The following EXOC3L4 variants were observed in gnomAD, a reference collection of about 807,000 sequenced individuals.
EXOC3L4 encodes exocyst complex component 3-like protein 4.
In EXOC3L4, 62 loss-of-function variants were observed where a neutral mutation model predicts 69.7. The observed-to-expected ratio is 0.89, with a 90% CI of 0.72 to 1.10. The LOEUF is 1.10. Among genes scored for constraint, EXOC3L4 ranks in the 50% least tolerant of loss-of-function variants. The pLI, the probability that EXOC3L4 is intolerant of heterozygous loss-of-function variation, is 0.00. For missense variants in EXOC3L4, 1,087 were observed against 1,034.8 expected (o/e 1.05, Z -0.69); for synonymous variants, 502 against 464.2 (o/e 1.08, Z -1.05).
At chr14:103,107,569 A>G (rs975396550) in intron 9 of EXOC3L4, 26 bp downstream of exon 9, 1 of 1,612,644 alleles carries the variant, frequency 6.2e-7, no homozygotes, top group African/African-American at 1.3e-5. Flanking sequence ...GGGCCCTGGC[A>G]GGGCTGTGCC....
Position 103,108,448 on chromosome 14 carries a change from T to C in EXOC3L4, c.1907T>C (p.Leu636Pro). Reference protein sequence around the residue: ...DQAIQCVAEILGETYKDDIQR... With the variant: ...DQAIQCVAEIPGETYKDDIQR... The stretch of plus-strand genomic sequence containing the variant: ...GCCATCCAGTGCGTGGCTGAGATCC[T>C]GGGCGAGACCTACAAAGATGACATC... Residue 636 changes from leucine (L) to proline (P), a missense_variant, in exon 11 of 12, where the codon CTG becomes CCG. Transcript: ENST00000688303. The C allele has an allele frequency of 1.2e-6, 2 of 1,613,816 alleles. No individual in the cohort carries two copies. The highest frequency in any genetic ancestry group is 1.7e-6 in the Non-Finnish European group (2 of 1,179,850).
Position 103,110,104 on chromosome 14 carries a change from A to C in EXOC3L4, c.2050A>C (p.Thr684Pro). The stretch of plus-strand genomic sequence containing the variant: ...GCGGAACCAGCATCTCTTGCAGCAC[A>C]CTCAAGACCTGCTGAGAGCTGCGGC... ...RQRNQHLLQH[T>P]QDLLRAAAGA... The change falls in exon 12 of 12, where the codon ACT (threonine) becomes CCT (proline). Residue 684 changes from threonine to proline, a missense_variant. By Grantham distance (38) the Thr-to-Pro change is conservative. Transcript: ENST00000688303. 4 of 1,591,006 alleles carry C rather than the reference A, an allele frequency of 2.5e-6. No homozygotes were observed. The highest frequency in any genetic ancestry group is 3.4e-6 in the Non-Finnish European group (4 of 1,169,630).
At position 103,104,046 on chromosome 14, in the gene EXOC3L4, C is replaced by T. The variant is rs1307994197; in HGVS notation, c.1155C>T (p.Phe385=). The change falls in exon 4 of 12, where the codon TTC becomes TTT. Residue 385 remains phenylalanine, a synonymous_variant. Coordinates refer to ENST00000688303, the MANE Select transcript of EXOC3L4 (RefSeq NM_001077594.2). ...GACTGGAGAGCGACTACACCAGCTT[C>T]CTGGAGGTCAGGCCGGGCGGGTCAG... The part of the protein sequence containing the change: ...WARLESDYTS[F]LEAKIASCFD... 6.4e-7 allele frequency: 1 copy of T among 1,569,900 alleles called. No individual in the cohort carries two copies. Among genetic ancestry groups the T allele is most frequent in the Non-Finnish European group, 8.6e-7 (1 of 1,162,014 alleles).
At position 103,110,080 on chromosome 14, in the gene EXOC3L4, C is replaced by A. The variant is rs748628184; in HGVS notation, c.2026C>A (p.Arg676=). The part of the protein sequence containing the change: ...ILALRRLGRQ[R]NQHLLQHTQD... ...GGCGCTGCGCCGACTGGGCCGCCAG[C>A]GGAACCAGCATCTCTTGCAGCACAC... Residue 676 remains arginine (R), a synonymous_variant, in exon 12 of 12, where the codon CGG becomes AGG. Transcript: ENST00000688303. 6.3e-7 allele frequency: 1 copy of A among 1,597,810 alleles called. No homozygotes were observed. The highest frequency in any genetic ancestry group is 8.5e-7 in the Non-Finnish European group (1 of 1,172,912).
chr14:103,109,993 G>C (rs1257105686), intron 11 of EXOC3L4, 38 bp from the exon 12 acceptor site: 6 of 1,543,706 alleles, frequency 3.9e-6, no homozygotes, highest in Non-Finnish European at 5.2e-6. Context: ...GTGTTGCGGA[G>C]GTGTAGGTCT....
chr14:103,096,368 A>G (rs1271327577), intron 1 of EXOC3L4, among the ~76,000 whole-genome samples: 2 of 149,502 alleles, frequency 1.3e-5, no homozygotes, highest in African/African-American at 4.9e-5. Flanking sequence ...TCTAAAAACA[A>G]TAAACAAAGG....
In EXOC3L4 at chr14:103,100,345, C is replaced by T; in HGVS notation, c.126C>T (p.Arg42=). 6.2e-7 allele frequency: 1 copy of T among 1,600,902 alleles called. No individual in the cohort carries two copies. The highest frequency in any genetic ancestry group is 1.1e-5 in the South Asian group (1 of 89,254). Reference sequence around the variant, plus strand: ...GCAGGAAAGAGCCCAATGCCCACCGCAAGGATGGCACAAGGCTGGGCCTGG... The same window carrying T: ...GCAGGAAAGAGCCCAATGCCCACCGTAAGGATGGCACAAGGCTGGGCCTGG... The part of the protein sequence containing the change: ...TSSRKEPNAH[R]KDGTRLGLGS... Residue 42 remains arginine, a synonymous_variant, in exon 2 of 12, where the codon CGC becomes CGT. Transcript: ENST00000688303.
intron 7 of EXOC3L4, among the ~76,000 whole-genome samples, 164 bp downstream of exon 7, chr14:103,105,236 CGT>C (rs1173868959): frequency 5.5e-5 from 8 of 144,852 alleles, no homozygotes; most frequent in Non-Finnish European, 1.1e-4. Flanking sequence ...GGTGTGTGTG[CGT>C]GTGTGTGTAG....
intron 1 of EXOC3L4, among the ~76,000 whole-genome samples, chr14:103,095,910 T>G (rs1193841614): frequency 1.3e-5 from 2 of 152,250 alleles, no homozygotes; most frequent in African/African-American, 4.8e-5. Context: ...TGTTTACATC[T>G]CTTATTTATT....
chr14:103,106,902 G>T lies in EXOC3L4; in HGVS notation c.1581+3G>T. 6.4e-7 allele frequency: 1 copy of T among 1,555,604 alleles called. No homozygotes were observed. The highest frequency in any genetic ancestry group is 8.7e-7 in the Non-Finnish European group (1 of 1,148,088). Reference sequence around the variant, plus strand: ...AGGGCTTGCAGCGTGAGTTGCAGGTGACTGTGATAGGCCCTCTCTCCCTAC... The same window carrying T: ...AGGGCTTGCAGCGTGAGTTGCAGGTTACTGTGATAGGCCCTCTCTCCCTAC... On this transcript the variant is annotated splice_donor_region_variant and intron_variant, in intron 8 of 11. Coordinates refer to ENST00000688303, the MANE Select transcript of EXOC3L4 (RefSeq NM_001077594.2).
chr14:103,104,425 T>G, intron 5 of EXOC3L4, 36 bp downstream of exon 5: 1 of 1,502,610 alleles, frequency 6.7e-7, no homozygotes, highest in South Asian at 1.3e-5. Context: ...AAGGGGCGTC[T>G]GTTCAAGCCT....
chr14:103,109,010 G>A (rs1890746150), intron 11 of EXOC3L4, among the ~76,000 whole-genome samples: 1 of 151,584 alleles, frequency 6.6e-6, no homozygotes, highest in Non-Finnish European at 1.5e-5. Flanking sequence ...CATGGGGTGG[G>A]GAAGGATTCC....
chr14:103,100,737 A>G, intron 2 of EXOC3L4, 124 bp downstream of exon 2: 1 of 1,254,616 alleles, frequency 8.0e-7, no homozygotes, highest in Non-Finnish European at 1.1e-6. Context: ...GAACATGTGC[A>G]ATTCTTTATT....
At chr14:103,096,532 C>T (rs1889895494) in intron 1 of EXOC3L4, among the ~76,000 whole-genome samples, 1 of 151,988 alleles carries the variant, frequency 6.6e-6, no homozygotes, top group Non-Finnish European at 1.5e-5. Context: ...GTCCCTCCCA[C>T]TGTGCTCTCA....
In EXOC3L4 at chr14:103,108,466, A is replaced by G. The variant is rs756097471; in HGVS notation, c.1925A>G (p.Asp642Gly). 8.7e-6 allele frequency: 14 copies of G among 1,613,836 alleles called. No individual in the cohort carries two copies. The highest frequency in any genetic ancestry group is 1.2e-5 in the Non-Finnish European group (14 of 1,179,902). The change falls in exon 11 of 12, where the codon GAT becomes GGT. Residue 642 changes from aspartate to glycine, a missense_variant. Physicochemically the swap from Asp to Gly is moderately conservative, Grantham distance 94. Transcript: ENST00000688303. ...VAEILGETYK[D>G]DIQRHLETLI... Reference sequence around the variant, plus strand: ...GAGATCCTGGGCGAGACCTACAAAGATGACATCCAGCGGCACCTGGAGACT... The same window carrying G: ...GAGATCCTGGGCGAGACCTACAAAGGTGACATCCAGCGGCACCTGGAGACT...
intron 3 of EXOC3L4, among the ~76,000 whole-genome samples, chr14:103,103,119 T>C (rs1174563134): frequency 2.6e-5 from 4 of 152,024 alleles, no homozygotes; most frequent in African/African-American, 9.7e-5. Flanking sequence ...AATCCCAGCA[T>C]TTTGGGAGGC....
chr14:103,098,007 C>G (rs927375439), intron 1 of EXOC3L4, among the ~76,000 whole-genome samples: 11 of 151,936 alleles, frequency 7.2e-5, no homozygotes, highest in African/African-American at 2.7e-4. Context: ...CCTGGCTGGA[C>G]TTTTGCTTTG....
Position 103,102,503 on chromosome 14 carries a change from G to T in EXOC3L4, c.780G>T (p.Pro260=), listed in dbSNP as rs1032572104. ...GCGCTCAGGAGCGCGTGCGGCGGCC[G>T]GGCGCGGGGTGGGCCTTCGGGGAGG... ...RRSAQERVRR[P]GAGWAFGEAE... Residue 260 remains proline, a synonymous_variant, in exon 3 of 12, where the codon CCG becomes CCT. Coordinates refer to ENST00000688303, the MANE Select transcript of EXOC3L4 (RefSeq NM_001077594.2). 5.1e-5 allele frequency: 71 copies of T among 1,381,070 alleles called. No individual in the cohort carries two copies. The African/African-American group carries it at 1.0e-3, about 20-fold the overall frequency. The allele number at this position is 1,381,070 out of a possible 1,614,324, so 85.6% of individuals were successfully genotyped here.
At chr14:103,109,973 G>T in intron 11 of EXOC3L4, 58 bp from the exon 12 acceptor site, 1 of 1,499,196 alleles carries the variant, frequency 6.7e-7, no homozygotes, top group East Asian at 2.4e-5. Flanking sequence ...GCCTCATGCT[G>T]GGGCTGGGGG....
Sources: allele counts gnomAD v4.1 joint callset (sites outside exome capture counted in the v4.1 genomes callset), GRCh38; gene constraint gnomAD v4.1.1; transcripts MANE v1.5; gene names NCBI Gene and HGNC (gene_info 2026-07-23, HGNC 2026-07-21).